Variants in CADM1 observed in about 807,000 individuals in gnomAD.
The protein encoded by CADM1 is cell adhesion molecule 1.
CADM1 carries 15 observed loss-of-function variants against 53.1 expected under a neutral mutation model. The observed-to-expected ratio is 0.28, with a 90% confidence interval of 0.19 to 0.44. CADM1 has a LOEUF of 0.44. Among genes scored for constraint, CADM1 ranks in the 20% least tolerant of loss-of-function variants. CADM1 has a pLI of 1.00. For missense variants in CADM1, 434 were observed against 611.3 expected (o/e 0.71, Z 3.06); for synonymous variants, 281 against 243.0 (o/e 1.16, Z -1.45).
chr11:115,313,957 A>G (rs968231096), intron 1 of CADM1, among the ~76,000 whole-genome samples: 1 of 152,186 alleles, frequency 6.6e-6, no homozygotes, highest in Non-Finnish European at 1.5e-5. Context: ...ATTTCCAAAC[A>G]TTCAAGCTAT....
At chr11:115,210,404 A>T in intron 7 of CADM1, among the ~76,000 whole-genome samples, 1 of 152,088 alleles carries the variant, frequency 6.6e-6, no homozygotes. Flanking sequence ...TATAAATGAG[A>T]CTCGACCTTC....
intron 1 of CADM1, among the ~76,000 whole-genome samples, chr11:115,327,441 A>C (rs553148086): frequency 7.9e-5 from 12 of 152,328 alleles, no homozygotes; most frequent in Non-Finnish European, 1.5e-4. Context: ...GCTTTTTCAT[A>C]TACAAATCTT....
intron 1 of CADM1, among the ~76,000 whole-genome samples, chr11:115,490,433 C>A (rs1012009178): frequency 1.1e-4 from 15 of 131,064 alleles, no homozygotes; most frequent in Non-Finnish European, 2.2e-4. Context: ...GAGTCTTGCT[C>A]TGTCGCCCAG....
chr11:115,240,232 GTAAAAAAGTTGCCATC>G lies in CADM1; in HGVS notation c.271+26_271+41del, dbSNP rs781349653. The G allele has an allele frequency of 7.1e-5, 114 of 1,599,416 alleles. No individual in the cohort carries two copies. In the African/African-American group the frequency reaches 1.3e-3, roughly 19 times the overall value. ...ATCTCTTTATCAAGACAACATGTAG[GTAAAAAAGTTGCCATC>G]TACAACTATAGAGATGGAAACTTAC... On this transcript the variant is annotated intron_variant, in intron 2 of 11. Coordinates refer to ENST00000331581, the MANE Select transcript of CADM1 (RefSeq NM_001301043.2).
intron 1 of CADM1, among the ~76,000 whole-genome samples, chr11:115,476,655 CACAA>C (rs2135401707): frequency 6.6e-6 from 1 of 152,300 alleles, no homozygotes; most frequent in South Asian, 2.1e-4. Flanking sequence ...TCACCGGATA[CACAA>C]ACAGACTACT....
chr11:115,228,133 G>A (rs529903248), intron 5 of CADM1, among the ~76,000 whole-genome samples: 1 of 152,312 alleles, frequency 6.6e-6, no homozygotes, highest in African/African-American at 2.4e-5. Flanking sequence ...AAGTTAAGGC[G>A]CTCCTGGGAC....
intron 1 of CADM1, among the ~76,000 whole-genome samples, chr11:115,311,918 G>A (rs1346977353): frequency 1.3e-5 from 2 of 152,112 alleles, no homozygotes; most frequent in East Asian, 3.9e-4. Flanking sequence ...TTAAAGGAAT[G>A]TCATCAGATT....
intron 1 of CADM1, among the ~76,000 whole-genome samples, chr11:115,312,318 C>T (rs138964015): frequency 2.0e-3 from 297 of 152,226 alleles, no homozygotes; most frequent in African/African-American, 6.6e-3. Flanking sequence ...ACAGTTAAAA[C>T]AGACTAATAT....
intron 10 of CADM1, among the ~76,000 whole-genome samples, chr11:115,188,733 T>C (rs1939697202): frequency 6.6e-6 from 1 of 152,224 alleles, no homozygotes; most frequent in Non-Finnish European, 1.5e-5. Flanking sequence ...CGGTTTGTCT[T>C]GTATTATAAT....
At chr11:115,328,715 T>TCTATACATATATATACGC (rs1464724518) in intron 1 of CADM1, among the ~76,000 whole-genome samples, 1 of 54,766 alleles carries the variant, frequency 1.8e-5, no homozygotes. Flanking sequence ...TATATATATG[T>TCTATACATATATATACGC]GTATATATAT....
rs1032201813 is a variant in CADM1, at chr11:115,263,306, C to T, written c.125-22886G>A. Among the ~76,000 whole-genome samples the T allele has an allele frequency of 2.0e-5, 3 of 152,228 alleles. No individual in the cohort carries two copies. The East Asian group carries it at 5.8e-4, about 29-fold the overall frequency. ...CACAATGAGGGGAATTTATCCTCAT[C>T]TCCTAAGAGGGAGCAGTATTAAAGA... On this transcript the variant is annotated intron_variant, in intron 1 of 11. Transcript: ENST00000331581.
intron 1 of CADM1, among the ~76,000 whole-genome samples, chr11:115,295,462 C>T (rs1944025709): frequency 6.8e-6 from 1 of 146,322 alleles, no homozygotes; most frequent in African/African-American, 2.5e-5. Context: ...AGGCTCCACT[C>T]TCTGCCGTCT....
At chr11:115,416,456 T>C (rs559528657) in intron 1 of CADM1, among the ~76,000 whole-genome samples, 11 of 152,160 alleles carry the variant, frequency 7.2e-5, no homozygotes, top group Admixed American at 3.3e-4. Flanking sequence ...ACAAATCACA[T>C]CTAGTATTCT....
At chr11:115,202,848 T>TG (rs777244769) in intron 8 of CADM1, among the ~76,000 whole-genome samples, 19 of 143,172 alleles carry the variant, frequency 1.3e-4, no homozygotes, top group African/African-American at 4.4e-4. Context: ...AAATATATGG[T>TG]GGGTTTTTTT....
chr11:115,266,041 C>G (rs1943124535), intron 1 of CADM1, among the ~76,000 whole-genome samples: 1 of 152,114 alleles, frequency 6.6e-6, no homozygotes, highest in Non-Finnish European at 1.5e-5. Flanking sequence ...TCTTAATAAG[C>G]CTTCCAGATG....
intron 1 of CADM1, among the ~76,000 whole-genome samples, chr11:115,288,476 C>A (rs973244059): frequency 2.6e-5 from 4 of 152,020 alleles, no homozygotes; most frequent in Non-Finnish European, 5.9e-5. Context: ...AAAAAAATCA[C>A]CAACCCCTGT....
intron 1 of CADM1, among the ~76,000 whole-genome samples, chr11:115,279,140 T>C (rs1254987628): frequency 6.6e-6 from 1 of 152,118 alleles, no homozygotes; most frequent in African/African-American, 2.4e-5. Context: ...TGTCATCCTC[T>C]CCAATCCCAC....
At chr11:115,325,271 G>A (rs1944931675) in intron 1 of CADM1, among the ~76,000 whole-genome samples, 2 of 152,116 alleles carry the variant, frequency 1.3e-5, no homozygotes, top group South Asian at 2.1e-4. Context: ...GAGCATCAAC[G>A]TGAACTCTAG....
At chr11:115,235,245 A>G (rs535347741) in intron 3 of CADM1, among the ~76,000 whole-genome samples, 10 of 152,198 alleles carry the variant, frequency 6.6e-5, no homozygotes, top group Non-Finnish European at 1.5e-4. Flanking sequence ...TGAAAAAAAA[A>G]GGGTTGGACA....
Sources: gnomAD v4.1 joint callset for allele counts (sites outside exome capture counted in the v4.1 genomes callset) on GRCh38, gnomAD v4.1.1 for gene constraint, MANE v1.5 for transcripts, NCBI Gene and HGNC (gene_info 2026-07-23, HGNC 2026-07-21) for gene names.